Variants in DIP2C observed in about 807,000 individuals in gnomAD.
The protein encoded by DIP2C is DIP2 acetate--CoA ligase C (putative), also known as disco-interacting protein 2 homolog C.
In DIP2C, 33 loss-of-function variants were observed where a neutral mutation model predicts 192.4. The ratio of observed to expected loss-of-function variants is 0.17; its 90% CI spans 0.13 to 0.23. DIP2C has a LOEUF of 0.23. Ranked by LOEUF, DIP2C falls within the 10% of genes least tolerant of loss-of-function variation. DIP2C has a pLI of 1.00. For synonymous variants in DIP2C, 979 were observed against 864.1 expected (o/e 1.13, Z -2.33); for missense variants, 1,537 against 2,110.1 (o/e 0.73, Z 5.32).
intron 2 of DIP2C, among the ~76,000 whole-genome samples, chr10:475,073 G>A (rs553395215): frequency 2.6e-5 from 4 of 152,270 alleles, no homozygotes; most frequent in South Asian, 4.1e-4. Context: ...TTCCAACACA[G>A]GCATGTTCAC....
intron 1 of DIP2C, among the ~76,000 whole-genome samples, chr10:686,970 C>CG (rs948833828): frequency 1.6e-4 from 25 of 152,382 alleles, no homozygotes; most frequent in Admixed American, 7.2e-4. Flanking sequence ...TAAAACGGAA[C>CG]TTTTTCCATC....
intron 1 of DIP2C, chr10:650,231 G>T: frequency 1.4e-6 from 1 of 717,260 alleles, no homozygotes; most frequent in Non-Finnish European, 2.6e-6. Context: ...GCTGTTCCCT[G>T]TTCCCTTCCC....
At chr10:281,872 A>G (rs1330063669) in intron 35 of DIP2C, 3 of 152,400 alleles carry the variant, frequency 2.0e-5, no homozygotes, top group African/African-American at 7.2e-5. Context: ...ATTTATTTCT[A>G]TCCTTCTTGC....
At chr10:536,504 G>A (rs573691279) in intron 1 of DIP2C, among the ~76,000 whole-genome samples, 1 of 151,530 alleles carries the variant, frequency 6.6e-6, no homozygotes, top group East Asian at 1.9e-4. Context: ...ACAGTCCCAG[G>A]GGGGCCAGCG....
chr10:514,555 C>T (rs1435223391), intron 1 of DIP2C, among the ~76,000 whole-genome samples: 3 of 152,198 alleles, frequency 2.0e-5, no homozygotes, highest in Non-Finnish European at 4.4e-5. Context: ...GTCCGTGTCC[C>T]CCTGCAGACC....
intron 1 of DIP2C, among the ~76,000 whole-genome samples, chr10:568,123 T>C (rs1016307966): frequency 3.1e-4 from 47 of 152,276 alleles, no homozygotes; most frequent in African/African-American, 1.0e-3. Context: ...CCTTGTTGTG[T>C]TGGCACAAGC....
chr10:477,630 G>A (rs202086739), intron 2 of DIP2C, among the ~76,000 whole-genome samples: 1 of 118,996 alleles, frequency 8.4e-6, no homozygotes, highest in East Asian at 2.7e-4. Flanking sequence ...GAAGGTGGAT[G>A]GGTGGGAGGA....
chr10:394,730 A>C (rs1005972256), intron 10 of DIP2C, among the ~76,000 whole-genome samples: 2 of 147,822 alleles, frequency 1.4e-5, no homozygotes, highest in Non-Finnish European at 3.0e-5. Flanking sequence ...AGTGGGCGCT[A>C]TTCAGCCTTC....
At chr10:564,599 T>C (rs1404936104) in intron 1 of DIP2C, among the ~76,000 whole-genome samples, 1 of 150,892 alleles carries the variant, frequency 6.6e-6, no homozygotes, top group Non-Finnish European at 1.5e-5. Flanking sequence ...CTCTGTGGCA[T>C]TTTGCCTGTC....
intron 3 of DIP2C, among the ~76,000 whole-genome samples, chr10:449,974 T>A (rs1218745897): frequency 6.6e-6 from 1 of 150,720 alleles, no homozygotes; most frequent in East Asian, 1.9e-4. Context: ...GAGATTGTTA[T>A]CTCCAGGAAG....
chr10:373,108 G>A (rs1961186638), intron 17 of DIP2C, among the ~76,000 whole-genome samples: 1 of 152,242 alleles, frequency 6.6e-6, no homozygotes, highest in South Asian at 2.1e-4. Flanking sequence ...GGGCTCGGCA[G>A]GACTCAGACC....
chr10:654,743 C>G (rs1031880901), intron 1 of DIP2C, among the ~76,000 whole-genome samples: 1 of 152,146 alleles, frequency 6.6e-6, no homozygotes, highest in African/African-American at 2.4e-5. Flanking sequence ...CCAGTAACGC[C>G]CCACTGAAGA....
At chr10:307,721 A>G (rs1324995337) in intron 32 of DIP2C, among the ~76,000 whole-genome samples, 2 of 152,232 alleles carry the variant, frequency 1.3e-5, no homozygotes, top group African/African-American at 2.4e-5. Flanking sequence ...CAGCCCCAGA[A>G]GCCGGGAGGG....
chr10:504,312 C>G (rs1273848709), intron 1 of DIP2C, among the ~76,000 whole-genome samples: 1 of 152,228 alleles, frequency 6.6e-6, no homozygotes, highest in Non-Finnish European at 1.5e-5. Flanking sequence ...CCATGGGGCT[C>G]CCACCCCCGA....
Position 415,886 on chromosome 10 carries a change from C to T in DIP2C, c.742G>A (p.Val248Ile). Reference sequence around the variant, plus strand: ...GCTGACACCCGGCTACTTACTGGTACTCCTGAAAAACAGGAATCAGCGGGT... The same window carrying T: ...GCTGACACCCGGCTACTTACTGGTATTCCTGAAAAACAGGAATCAGCGGGT... ...NAELMETGDG[V>I]PVSSRVSAKI... is the part of the protein sequence containing the mutation. Residue 248 changes from valine (V) to isoleucine (I), a missense_variant and splice_region_variant, in exon 7 of 37, where the codon GTA (valine) becomes ATA (isoleucine). Val to Ile is a conservative substitution (Grantham distance 29). This residue lies in a region of DIP2C where 473 missense variants were observed against 539.6 expected (regional missense o/e 0.88). Coordinates refer to ENST00000280886, the MANE Select transcript of DIP2C (RefSeq NM_014974.3). 6.2e-7 allele frequency: 1 copy of T among 1,613,676 alleles called. No individual in the cohort carries two copies. The highest frequency in any genetic ancestry group is 8.5e-7 in the Non-Finnish European group (1 of 1,179,922).
intron 1 of DIP2C, among the ~76,000 whole-genome samples, chr10:531,515 G>A (rs1281515432): frequency 6.6e-6 from 1 of 152,118 alleles, no homozygotes; most frequent in Non-Finnish European, 1.5e-5. Flanking sequence ...TATCATACGT[G>A]CCGTTCACCG....
intron 1 of DIP2C, among the ~76,000 whole-genome samples, chr10:681,155 C>T (rs1394409058): frequency 6.6e-6 from 1 of 152,108 alleles, no homozygotes; most frequent in African/African-American, 2.4e-5. Flanking sequence ...GGTGCAGCCA[C>T]CACCTGTGGC....
At chr10:493,862 C>T (rs1844627396) in intron 1 of DIP2C, among the ~76,000 whole-genome samples, 2 of 152,248 alleles carry the variant, frequency 1.3e-5, no homozygotes, top group Non-Finnish European at 2.9e-5. Context: ...ATGCCCAAGG[C>T]ATCTGGCCAA....
intron 3 of DIP2C, among the ~76,000 whole-genome samples, chr10:450,934 C>T (rs944068176): frequency 1.3e-5 from 2 of 152,142 alleles, no homozygotes; most frequent in Non-Finnish European, 2.9e-5. Context: ...TCTGTATGTG[C>T]GTACATGTAT....
Sources: gnomAD v4.1 joint callset for allele counts (sites outside exome capture counted in the v4.1 genomes callset) on GRCh38, gnomAD v4.1.1 for gene constraint, gnomAD v4.1.1 regional missense constraint, MANE v1.5 for transcripts, NCBI Gene and HGNC (gene_info 2026-07-23, HGNC 2026-07-21) for gene names.